Variants in THSD7A observed in about 807,000 individuals in gnomAD.
THSD7A encodes thrombospondin type 1 domain containing 7A.
Under a neutral mutation model 231.3 loss-of-function variants are expected in THSD7A, and 96 were observed. The observed-to-expected ratio is 0.41, with a 90% CI of 0.35 to 0.49. The LOEUF (loss-of-function observed/expected upper bound fraction) is 0.49, where lower values mean the gene tolerates loss of function less well. Among genes scored for constraint, THSD7A ranks in the 20% least tolerant of loss-of-function variants. The probability of loss-of-function intolerance (pLI) is 0.05; values close to 1 mark genes in which losing one functional copy is unlikely to be tolerated. For missense variants in THSD7A, 2,290 were observed against 2,070.2 expected (o/e 1.11, Z -2.06); for synonymous variants, 940 against 743.3 (o/e 1.26, Z -4.30).
At chr7:11,661,509 A>C (rs145487471) in intron 1 of THSD7A, among the ~76,000 whole-genome samples, 1,894 of 151,298 alleles carry the variant, frequency 0.013, 38 homozygotes, top group African/African-American at 0.043. Context: ...ATGCAAAATC[A>C]GTTTTTATGC....
chr7:11,594,269 A>G (rs1780276965), intron 2 of THSD7A, among the ~76,000 whole-genome samples: 1 of 152,072 alleles, frequency 6.6e-6, no homozygotes, highest in African/African-American at 2.4e-5. Flanking sequence ...GTGAGATAAT[A>G]CTTAATAACT....
rs374396339 is a variant in THSD7A, at chr7:11,382,503, G to C, written c.4507+18C>G. On this transcript the variant is annotated intron_variant, in intron 24 of 27. Transcript: ENST00000423059. ...TACAGGAAGATTTTCAAAGGACAAA[G>C]AGAAACTGGAGGTTTACCTGTTACA... is the stretch of plus-strand genomic sequence containing the variant. 2 of 1,590,916 alleles carry C rather than the reference G, an allele frequency of 1.3e-6. No homozygotes were observed. Among genetic ancestry groups the C allele is most frequent in the East Asian group, 4.5e-5 (2 of 44,652 alleles).
chr7:11,485,613 T>A (rs1320603927), intron 6 of THSD7A, among the ~76,000 whole-genome samples: 1 of 152,160 alleles, frequency 6.6e-6, no homozygotes, highest in Non-Finnish European at 1.5e-5. Flanking sequence ...ATAGCAAAAG[T>A]TTGACTAAAG....
chr7:11,542,289 C>T (rs974315), intron 5 of THSD7A, among the ~76,000 whole-genome samples: 99,570 of 152,018 alleles, frequency 0.65, 33,017 homozygotes, highest in Admixed American at 0.79. Flanking sequence ...ACAAAATTAA[C>T]AAGTCTGTTT....
At chr7:11,724,935 T>C (rs1164088386) in intron 1 of THSD7A, among the ~76,000 whole-genome samples, 2 of 151,784 alleles carry the variant, frequency 1.3e-5, no homozygotes, top group Non-Finnish European at 2.9e-5. Context: ...CTCTTCTTCT[T>C]CTTCTTCTTC....
intron 1 of THSD7A, among the ~76,000 whole-genome samples, chr7:11,811,161 T>G (rs960757686): frequency 6.6e-6 from 1 of 152,180 alleles, no homozygotes; most frequent in Non-Finnish European, 1.5e-5. Flanking sequence ...GTCTCTTTTG[T>G]CCATTAACCA....
At chr7:11,613,182 G>C (rs558504134) in intron 2 of THSD7A, among the ~76,000 whole-genome samples, 2 of 152,260 alleles carry the variant, frequency 1.3e-5, no homozygotes, top group South Asian at 2.1e-4. Context: ...CACAATCTTG[G>C]ACTTATTACA....
chr7:11,793,376 A>G (rs535521984), intron 1 of THSD7A, among the ~76,000 whole-genome samples: 1 of 152,056 alleles, frequency 6.6e-6, no homozygotes, highest in South Asian at 2.1e-4. Context: ...CTAGAGAGTG[A>G]ACTTGAAAAC....
At chr7:11,690,055 T>A (rs1780186666) in intron 1 of THSD7A, among the ~76,000 whole-genome samples, 1 of 151,802 alleles carries the variant, frequency 6.6e-6, no homozygotes, top group Non-Finnish European at 1.5e-5. Context: ...AATCTTAGAA[T>A]GGAGAAAACA....
chr7:11,750,018 ATT>A (rs561367892), intron 1 of THSD7A, among the ~76,000 whole-genome samples: 20 of 140,608 alleles, frequency 1.4e-4, no homozygotes, highest in Non-Finnish European at 1.6e-4. Flanking sequence ...AGTGGCCAGA[ATT>A]TTTTTTTTTT....
At chr7:11,565,158 A>T (rs1790254420) in intron 4 of THSD7A, among the ~76,000 whole-genome samples, 1 of 152,248 alleles carries the variant, frequency 6.6e-6, no homozygotes, top group Admixed American at 6.5e-5. Flanking sequence ...CAACAAAAAC[A>T]GCATTAACTG....
chr7:11,421,340 C>G (rs1160593855), intron 16 of THSD7A, among the ~76,000 whole-genome samples: 1 of 152,072 alleles, frequency 6.6e-6, no homozygotes. Flanking sequence ...GGCACTTCCC[C>G]CTTCGCTCTT....
rs191671740 is a variant in THSD7A at position 11,490,870 on chromosome 7, T to C, written c.1823-8888A>G. On this transcript the variant is annotated intron_variant, in intron 6 of 27. Transcript: ENST00000423059. ...TCTTAATGGAAGCTAATAATAGTAC[T>C]TATGGTATTCCCATTCATATTAACT... 7.9e-5 allele frequency among the ~76,000 whole-genome samples: 12 copies of C among 152,252 alleles called. 2 individuals are homozygous for C. In the East Asian group the frequency reaches 2.3e-3, roughly 29 times the overall value.
chr7:11,719,092 T>C (rs1583221060), intron 1 of THSD7A, among the ~76,000 whole-genome samples: 1 of 151,526 alleles, frequency 6.6e-6, no homozygotes, highest in African/African-American at 2.4e-5. Flanking sequence ...TTTTCTTAAG[T>C]CCACAGAAGG....
intron 24 of THSD7A, among the ~76,000 whole-genome samples, chr7:11,380,281 G>A (rs1010970658): frequency 6.6e-6 from 1 of 152,056 alleles, no homozygotes; most frequent in Non-Finnish European, 1.5e-5. Flanking sequence ...GTTTTAACTT[G>A]ATATTACAGC....
intron 4 of THSD7A, among the ~76,000 whole-genome samples, chr7:11,565,172 C>A (rs921052576): frequency 6.6e-6 from 1 of 152,114 alleles, no homozygotes; most frequent in Non-Finnish European, 1.5e-5. Context: ...TTAACTGATA[C>A]TGTAAATTAA....
chr7:11,582,269 G>T (rs1333977280), intron 4 of THSD7A, among the ~76,000 whole-genome samples: 4 of 151,192 alleles, frequency 2.6e-5, no homozygotes, highest in Non-Finnish European at 4.4e-5. Flanking sequence ...TAATACATAA[G>T]TATACAATAA....
At chr7:11,668,566 G>GT (rs1056539958) in intron 1 of THSD7A, among the ~76,000 whole-genome samples, 15 of 152,078 alleles carry the variant, frequency 9.9e-5, no homozygotes, top group Admixed American at 9.8e-4. Context: ...GAAGCAGTAT[G>GT]TTTTTTTAAG....
At chr7:11,554,576 T>C (rs1562713778) in intron 4 of THSD7A, among the ~76,000 whole-genome samples, 1 of 152,080 alleles carries the variant, frequency 6.6e-6, no homozygotes, top group Non-Finnish European at 1.5e-5. Context: ...GTCTGTTAAA[T>C]TGGTGAATTA....
Sources: allele counts gnomAD v4.1 joint callset (sites outside exome capture counted in the v4.1 genomes callset), GRCh38; gene constraint gnomAD v4.1.1; transcripts MANE v1.5; gene names NCBI Gene and HGNC (gene_info 2026-07-23, HGNC 2026-07-21).